Variants in VAC14 observed in about 807,000 individuals in gnomAD.
VAC14 encodes VAC14 component of PIKFYVE complex, also known as protein VAC14 homolog.
Under a neutral mutation model 85.3 loss-of-function variants are expected in VAC14, and 47 were observed. The ratio of observed to expected loss-of-function variants is 0.55; its 90% CI spans 0.44 to 0.70. The LOEUF (loss-of-function observed/expected upper bound fraction) is 0.70, where lower values mean the gene tolerates loss of function less well. Among genes scored for constraint, VAC14 ranks in the 30% least tolerant of loss-of-function variants. The pLI is 0.00. For synonymous variants in VAC14, 447 were observed against 430.5 expected (o/e 1.04, Z -0.47); for missense variants, 861 against 1,004.3 (o/e 0.86, Z 1.93).
rs767808632 is a variant in VAC14 at position 70,690,085 on chromosome 16, C to G, written c.2187-1995G>C. On this transcript the variant is annotated intron_variant, in intron 18 of 18. Coordinates refer to ENST00000261776, the MANE Select transcript of VAC14 (RefSeq NM_018052.5). ...GCTTAGGGGCCTTTAGAGAGATGCT[C>G]TCAGCACTGGATGGCAAACCCGGGA... is the stretch of plus-strand genomic sequence containing the variant. The G allele has an allele frequency of 2.7e-5, 27 of 985,478 alleles. No individual in the cohort carries two copies. In the South Asian group the frequency reaches 2.8e-4, roughly 10 times the overall value. The allele number at this position is 985,478 out of a possible 1,614,324, so 61.0% of individuals were successfully genotyped here. A position where few individuals can be genotyped will look rare whatever the true frequency, so the allele number is the denominator to read the frequency against.
At chr16:70,750,826 C>G (rs1425523843) in intron 12 of VAC14, among the ~76,000 whole-genome samples, 11 of 152,060 alleles carry the variant, frequency 7.2e-5, no homozygotes, top group Non-Finnish European at 1.2e-4. Context: ...TAGGAGACCT[C>G]GGTGTGGAAA....
rs1161242298 is a variant in VAC14, at chr16:70,749,933, G to A, written c.1372-5354C>T. ...CCCTGGGAGGCAACCTCAACAGGGG[G>A]CCTGGGTCCCAGCAACAGAGACTGT... On this transcript the variant is annotated intron_variant, in intron 12 of 18. Coordinates refer to ENST00000261776, the MANE Select transcript of VAC14 (RefSeq NM_018052.5). 2.6e-5 allele frequency among the ~76,000 whole-genome samples: 4 copies of A among 152,256 alleles called. No individual in the cohort carries two copies. The East Asian group carries it at 5.8e-4, about 22-fold the overall frequency.
At chr16:70,699,190 T>C in intron 14 of VAC14, 1 of 226,304 alleles carries the variant, frequency 4.4e-6, no homozygotes, top group Non-Finnish European at 9.0e-6. Context: ...GACACGCCTG[T>C]CCCCTGCTGG....
rs2033912829 is a variant in VAC14 at position 70,783,546 on chromosome 16, AACCAGGATCTG to A, written c.595-3_602del. On this transcript the variant is annotated splice_acceptor_variant and splice_polypyrimidine_tract_variant and coding_sequence_variant and intron_variant, in exon 6 of 19. Coordinates refer to ENST00000261776, the MANE Select transcript of VAC14 (RefSeq NM_018052.5). LOFTEE classifies it high-confidence loss of function. ...GGTTAATGTCTGGCACCGACTCCAG[AACCAGGATCTG>A]ACCAGGGGAAGGGAACAGGAGGGGA... 6.2e-7 allele frequency: 1 copy of A among 1,613,746 alleles called. No individual in the cohort carries two copies. Among genetic ancestry groups the A allele is most frequent in the Non-Finnish European group, 8.5e-7 (1 of 1,180,026 alleles).
chr16:70,785,708 C>T lies in VAC14; in HGVS notation c.417G>A (p.Leu139=), dbSNP rs777173294. The T allele has an allele frequency of 8.3e-6, 13 of 1,558,206 alleles. No individual in the cohort carries two copies. Among genetic ancestry groups the T allele is most frequent in the South Asian group, 1.2e-5 (1 of 84,442 alleles). The part of the protein sequence containing the change: ...LPHFNVLFDG[L]SKLAADPDPN... Reference sequence around the variant, plus strand: ...GGAGGAGGAGGGCGGTTACCTTGCTCAGCCCGTCAAAGAGCACGTTGAAGT... The same window carrying T: ...GGAGGAGGAGGGCGGTTACCTTGCTTAGCCCGTCAAAGAGCACGTTGAAGT... Residue 139 remains leucine, a synonymous_variant, in exon 3 of 19, where the codon CTG becomes CTA. Coordinates refer to ENST00000261776, the MANE Select transcript of VAC14 (RefSeq NM_018052.5).
At chr16:70,739,180 G>C (rs995936179) in intron 13 of VAC14, among the ~76,000 whole-genome samples, 10 of 152,240 alleles carry the variant, frequency 6.6e-5, no homozygotes, top group African/African-American at 2.2e-4. Context: ...AGAAGTAGCA[G>C]TGAGGTAGGA....
intron 14 of VAC14, among the ~76,000 whole-genome samples, chr16:70,705,835 C>T (rs960925362): frequency 8.5e-5 from 13 of 152,238 alleles, no homozygotes; most frequent in African/African-American, 1.9e-4. Context: ...TGTCCACTCT[C>T]GCGTGCCATC....
intron 14 of VAC14, chr16:70,700,070 C>T (rs761374615): frequency 4.6e-5 from 7 of 152,234 alleles, no homozygotes; most frequent in Non-Finnish European, 5.9e-5. Context: ...GGTCGCTGGA[C>T]TCAGCCTCCG....
intron 14 of VAC14, among the ~76,000 whole-genome samples, chr16:70,719,924 T>G (rs1335040262): frequency 6.6e-6 from 1 of 152,200 alleles, no homozygotes; most frequent in Non-Finnish European, 1.5e-5. Flanking sequence ...TCCATAATAG[T>G]GTCAAACCGA....
intron 1 of VAC14, among the ~76,000 whole-genome samples, chr16:70,799,507 G>A (rs887349549): frequency 6.6e-6 from 1 of 152,168 alleles, no homozygotes; most frequent in African/African-American, 2.4e-5. Context: ...GATTTGGATT[G>A]CAAGCAGCAG....
chr16:70,760,297 C>G (rs1046685219), intron 12 of VAC14, among the ~76,000 whole-genome samples: 2 of 152,120 alleles, frequency 1.3e-5, no homozygotes, highest in African/African-American at 4.8e-5. Context: ...CCTGAGAGGG[C>G]ACTTTCTAGA....
chr16:70,689,501 A>G (rs12599324), intron 18 of VAC14: 507,380 of 985,344 alleles, frequency 0.51, 131,821 homozygotes, highest in Non-Finnish European at 0.53. Flanking sequence ...GGGCAGGACC[A>G]GGGCAGGGGG....
chr16:70,739,979 G>T (rs934883198), intron 13 of VAC14, among the ~76,000 whole-genome samples: 1 of 151,976 alleles, frequency 6.6e-6, no homozygotes, highest in Non-Finnish European at 1.5e-5. Flanking sequence ...TATTTTTTTT[G>T]AGATGTAGTC....
rs139155109 is a variant in VAC14 at position 70,732,268 on chromosome 16, G to A, written c.1529-641C>T. ...TTAAACTTTACTTTTGAAATCAAAA[G>A]TTCTTTCTTCCTCATCCTCAGGCAA... On this transcript the variant is annotated intron_variant, in intron 13 of 18. Coordinates refer to ENST00000261776, the MANE Select transcript of VAC14 (RefSeq NM_018052.5). 3.6e-3 allele frequency among the ~76,000 whole-genome samples: 544 copies of A among 152,324 alleles called. 3 individuals are homozygous for A. The highest frequency in any genetic ancestry group is 5.8e-3 in the Non-Finnish European group (393 of 68,022).
chr16:70,751,266 C>T (rs923147687), intron 12 of VAC14, among the ~76,000 whole-genome samples: 18 of 152,242 alleles, frequency 1.2e-4, no homozygotes, highest in African/African-American at 4.3e-4. Flanking sequence ...GGGCCCTCTC[C>T]AGGCCTGGCC....
chr16:70,758,417 G>A (rs1219583065), intron 12 of VAC14, among the ~76,000 whole-genome samples: 1 of 152,208 alleles, frequency 6.6e-6, no homozygotes, highest in Non-Finnish European at 1.5e-5. Flanking sequence ...ATGGCCACCT[G>A]TCTGGGATGT....
intron 15 of VAC14, 47 bp from the exon 16 acceptor site, chr16:70,697,304 C>T (rs1279391314): frequency 6.5e-7 from 1 of 1,538,402 alleles, no homozygotes; most frequent in Non-Finnish European, 9.0e-7. Flanking sequence ...TGCTCCTTGC[C>T]CCTACCCGGT....
intron 12 of VAC14, chr16:70,756,016 G>A (rs933855568): frequency 2.2e-6 from 1 of 456,616 alleles, no homozygotes; most frequent in African/African-American, 2.0e-5. Flanking sequence ...TTTAAAGCAG[G>A]CAGATGAGCC....
chr16:70,788,134 T>C (rs1243443357), intron 1 of VAC14, among the ~76,000 whole-genome samples: 1 of 152,230 alleles, frequency 6.6e-6, no homozygotes, highest in Admixed American at 6.5e-5. Flanking sequence ...CCAAAAGGTG[T>C]CCATTAGTCT....
Sources: gnomAD v4.1 joint callset for allele counts (sites outside exome capture counted in the v4.1 genomes callset) on GRCh38, gnomAD v4.1.1 for gene constraint, MANE v1.5 for transcripts, NCBI Gene and HGNC (gene_info 2026-07-23, HGNC 2026-07-21) for gene names.